The following PLEKHA8 variants were observed in gnomAD, a reference collection of about 807,000 sequenced individuals.
PLEKHA8 encodes pleckstrin homology domain-containing family A member 8.
Under a neutral mutation model 68.2 loss-of-function variants are expected in PLEKHA8, and 36 were observed. That is an observed-to-expected ratio of 0.53 (90% CI 0.40 to 0.70). The LOEUF is 0.70. Ranked by LOEUF, PLEKHA8 falls within the 30% of genes least tolerant of loss-of-function variation. PLEKHA8 has a pLI of 0.00. For missense variants in PLEKHA8, 505 were observed against 615.4 expected, an observed-to-expected ratio of 0.82 and a Z score of 1.90; for synonymous variants, 211 against 216.1, an observed-to-expected ratio of 0.98 and a Z score of 0.20.
chr7:30,056,009 C>T (rs1310785544), intron 9 of PLEKHA8, among the ~76,000 whole-genome samples: 27 of 148,050 alleles, frequency 1.8e-4, no homozygotes, highest in Non-Finnish European at 3.0e-4. Context: ...GTGGCGGGAT[C>T]TCCACTCACT....
intron 12 of PLEKHA8, among the ~76,000 whole-genome samples, chr7:30,073,645 A>G (rs2127995843): frequency 6.6e-6 from 1 of 151,148 alleles, no homozygotes; most frequent in South Asian, 2.1e-4. Context: ...TCTTGTAATT[A>G]GATTTTTTTC....
At chr7:30,047,727 C>G (rs1177513095) in intron 3 of PLEKHA8, 105 bp from the exon 4 acceptor site, 1 of 1,198,118 alleles carries the variant, frequency 8.3e-7, no homozygotes, top group African/African-American at 1.6e-5. Context: ...GGCATATGTT[C>G]TGTGTGGTAT....
chr7:30,030,848 G>C lies in PLEKHA8; in HGVS notation c.40+2046G>C, dbSNP rs141812606. Among the ~76,000 whole-genome samples the C allele has an allele frequency of 3.3e-5, 5 of 152,346 alleles. No individual in the cohort carries two copies. The East Asian group carries it at 9.6e-4, about 29-fold the overall frequency. On this transcript the variant is annotated intron_variant, in intron 1 of 13. Coordinates refer to ENST00000449726, the MANE Select transcript of PLEKHA8 (RefSeq NM_001197026.2). ...CTTGTTCTTCGGAAGTGAGCATGTT[G>C]TGTTAGTGACAAGTTACTTTTTCTT... is the stretch of plus-strand genomic sequence containing the variant.
In PLEKHA8 at chr7:30,081,630, T is replaced by A; in HGVS notation, c.*2843T>A. ...GTGAGAGGAGGTGAGAAAACTCTAG[T>A]ATTTTGTTGGCAGAGTAATCACTTT... On this transcript the variant is annotated 3_prime_UTR_variant, in exon 14 of 14. Coordinates refer to ENST00000449726, the MANE Select transcript of PLEKHA8 (RefSeq NM_001197026.2). 1.0e-6 allele frequency: 1 copy of A among 985,346 alleles called. No individual in the cohort carries two copies. The highest frequency in any genetic ancestry group is 1.2e-6 in the Non-Finnish European group (1 of 829,854). The allele number at this position is 985,346 out of a possible 1,614,324, so 61.0% of individuals were successfully genotyped here. A position where few individuals can be genotyped will look rare whatever the true frequency, so the allele number is the denominator to read the frequency against.
chr7:30,111,535 TA>T (rs1181935516), intron 13 of PLEKHA8, among the ~76,000 whole-genome samples: 1 of 152,202 alleles, frequency 6.6e-6, no homozygotes. Context: ...ATTTCTGTCT[TA>T]TTTTTTAATT....
rs748100813 is a variant in PLEKHA8 at position 30,028,827 on chromosome 7, G to A, written c.40+25G>A. On this transcript the variant is annotated intron_variant, in intron 1 of 13. Transcript: ENST00000449726. ...GGTGAGTGGCCGTGCCGGGCCGGGGGCGCGCCGGGGGCCGGTCCTTTGTCT... is the reference window on the plus strand; with the variant it reads ...GGTGAGTGGCCGTGCCGGGCCGGGGACGCGCCGGGGGCCGGTCCTTTGTCT... 4.8e-6 allele frequency: 6 copies of A among 1,256,244 alleles called. No individual in the cohort carries two copies. The East Asian group carries it at 1.9e-4, about 39-fold the overall frequency. The allele number at this position is 1,256,244 out of a possible 1,614,324, so 77.8% of individuals were successfully genotyped here.
At chr7:30,107,347 A>G (rs1288903907) in intron 13 of PLEKHA8, among the ~76,000 whole-genome samples, 1 of 152,054 alleles carries the variant, frequency 6.6e-6, no homozygotes, top group African/African-American at 2.4e-5. Context: ...ACTTATTCCT[A>G]GGTACCTTGT....
Position 30,054,686 on chromosome 7 carries a change from AATAG to A in PLEKHA8, c.797-19_797-16del. On this transcript the variant is annotated intron_variant, in intron 7 of 13. Transcript: ENST00000449726. ...TATAATAAATATATAATAGGTTAGT[AATAG>A]ATATTTTCTACTTTGCAGTCCAAGG... 1 of 1,466,654 alleles carries A rather than the reference AATAG, an allele frequency of 6.8e-7. No homozygotes were observed. The highest frequency in any genetic ancestry group is 9.2e-7 in the Non-Finnish European group (1 of 1,087,368). 90.9% of individuals were successfully genotyped at this position (1,466,654 alleles called of 1,614,324 possible).
intron 2 of PLEKHA8, 44 bp from the exon 3 acceptor site, chr7:30,046,166 C>T (rs752844898): frequency 6.7e-7 from 1 of 1,493,818 alleles, no homozygotes; most frequent in Non-Finnish European, 8.9e-7. Flanking sequence ...GCTACCCAGA[C>T]AGGGCTCTTC....
At chr7:30,086,223 T>G (rs1795175814), downstream of PLEKHA8, among the ~76,000 whole-genome samples, 1 of 152,210 alleles carries the variant, frequency 6.6e-6, no homozygotes, top group African/African-American at 2.4e-5. Context: ...CTTTCAGACC[T>G]GAAGTCAGTC....
rs1408347699 is a variant in PLEKHA8 at position 30,081,668 on chromosome 7, C to T, written c.*2881C>T. 1 of 985,048 alleles carries T rather than the reference C, an allele frequency of 1.0e-6. No homozygotes were observed. Among genetic ancestry groups the T allele is most frequent in the Non-Finnish European group, 1.2e-6 (1 of 829,804 alleles). The allele number at this position is 985,048 out of a possible 1,614,324, so 61.0% of individuals were successfully genotyped here. A position where few individuals can be genotyped will look rare whatever the true frequency, so the allele number is the denominator to read the frequency against. On this transcript the variant is annotated 3_prime_UTR_variant, in exon 14 of 14. Coordinates refer to ENST00000449726, the MANE Select transcript of PLEKHA8 (RefSeq NM_001197026.2). ...GAGTAATCACTTTGTTCTCATCGCTCAAAGCATTTTTAGGATTATTTTTCT... is the reference window on the plus strand; with the variant it reads ...GAGTAATCACTTTGTTCTCATCGCTTAAAGCATTTTTAGGATTATTTTTCT...
intron 1 of PLEKHA8, among the ~76,000 whole-genome samples, chr7:30,031,254 A>G (rs1790638972): frequency 1.3e-5 from 2 of 152,202 alleles, no homozygotes; most frequent in Admixed American, 6.5e-5. Context: ...GGTTAGAACC[A>G]TGTTTCATTG....
downstream of PLEKHA8, among the ~76,000 whole-genome samples, chr7:30,092,448 C>T (rs1795453764): frequency 6.6e-6 from 1 of 151,988 alleles, no homozygotes; most frequent in East Asian, 1.9e-4. Flanking sequence ...CTCATCTAGT[C>T]ATGTCTGTAT....
chr7:30,046,054 G>C (rs1241211297), intron 2 of PLEKHA8, among the ~76,000 whole-genome samples, 156 bp from the exon 3 acceptor site: 2 of 152,218 alleles, frequency 1.3e-5, no homozygotes, highest in Non-Finnish European at 2.9e-5. Context: ...TAAGTAAACA[G>C]AACTTTGTGT....
chr7:30,089,604 A>T (rs545587643), downstream of PLEKHA8, among the ~76,000 whole-genome samples: 1 of 152,338 alleles, frequency 6.6e-6, no homozygotes, highest in East Asian at 1.9e-4. Context: ...TGCTCACCTT[A>T]AACATGAGCA....
Position 30,079,723 on chromosome 7 carries a change from C to T in PLEKHA8, c.*936C>T. The T allele has an allele frequency of 2.0e-6, 1 of 505,194 alleles. No individual in the cohort carries two copies. Among genetic ancestry groups the T allele is most frequent in the Non-Finnish European group, 2.6e-6 (1 of 391,570 alleles). The allele number at this position is 505,194 out of a possible 1,614,324, so 31.3% of individuals were successfully genotyped here. On this transcript the variant is annotated 3_prime_UTR_variant, in exon 14 of 14. Coordinates refer to ENST00000449726, the MANE Select transcript of PLEKHA8 (RefSeq NM_001197026.2). ...TCATATGGAGTGCTTGTTCAAACAG[C>T]AGATTCCCAGGCCTTATTTTGGCCT...
At chr7:30,058,471 CTT>C (rs79972069) in intron 9 of PLEKHA8, among the ~76,000 whole-genome samples, 15,133 of 125,216 alleles carry the variant, frequency 0.12, 795 homozygotes, top group African/African-American at 0.16. Context: ...AGTTGAGGTT[CTT>C]TTTTTTTTTT....
exon 13 of PLEKHA8, chr7:30,090,684 A>G: frequency 3.1e-6 from 2 of 655,338 alleles, no homozygotes; most frequent in Non-Finnish European, 3.8e-6. Context: ...AACTTTTTTC[A>G]AAAACACAAT....
At chr7:30,059,517 T>G (rs563763239) in intron 9 of PLEKHA8, among the ~76,000 whole-genome samples, 3 of 152,270 alleles carry the variant, frequency 2.0e-5, no homozygotes, top group African/African-American at 7.2e-5. Context: ...TATTTTCTGC[T>G]TTTCTCTGTA....
Sources: gnomAD v4.1 joint callset for allele counts (sites outside exome capture counted in the v4.1 genomes callset) on GRCh38, gnomAD v4.1.1 for gene constraint, MANE v1.5 for transcripts, NCBI Gene and HGNC (gene_info 2026-07-23, HGNC 2026-07-21) for gene names.